The following PHLDB2 variants were observed in gnomAD, a reference collection of about 807,000 sequenced individuals.
PHLDB2 encodes the protein pleckstrin homology-like domain family B member 2.
Under a neutral mutation model 123.6 loss-of-function variants are expected in PHLDB2, and 71 were observed. That is an observed-to-expected ratio of 0.57 (90% CI 0.47 to 0.70). The LOEUF (loss-of-function observed/expected upper bound fraction) is 0.70. Ranked by LOEUF, PHLDB2 falls within the 30% of genes least tolerant of loss-of-function variation. PHLDB2 has a pLI of 0.00. For synonymous variants in PHLDB2, 547 were observed against 541.6 expected (o/e 1.01, Z -0.14); for missense variants, 1,446 against 1,519.5 (o/e 0.95, Z 0.80).
chr3:111,871,067 T>G (rs866115852), intron 1 of PHLDB2, among the ~76,000 whole-genome samples: 2 of 152,216 alleles, frequency 1.3e-5, no homozygotes, highest in Non-Finnish European at 2.9e-5. Context: ...TCCCTCTGCA[T>G]TTTCTCAACA....
intron 1 of PHLDB2, among the ~76,000 whole-genome samples, chr3:111,785,431 T>C (rs781222005): frequency 3.9e-5 from 6 of 152,180 alleles, no homozygotes. Context: ...TAGCAGTCTG[T>C]CTTATGTGAC....
At chr3:111,869,695 G>A (rs1266614986) in intron 1 of PHLDB2, among the ~76,000 whole-genome samples, 1 of 102,988 alleles carries the variant, frequency 9.7e-6, no homozygotes, top group East Asian at 3.0e-4. Context: ...GACAGCATGT[G>A]TGTCTGTCTC....
At chr3:111,810,375 G>T (rs891461533) in intron 1 of PHLDB2, among the ~76,000 whole-genome samples, 2 of 152,090 alleles carry the variant, frequency 1.3e-5, no homozygotes, top group Non-Finnish European at 2.9e-5. Flanking sequence ...AACAACAGAA[G>T]TTTATTTCTC....
chr3:111,923,897 A>C (rs1282966), intron 5 of PHLDB2, among the ~76,000 whole-genome samples: 6,590 of 152,238 alleles, frequency 0.043, 478 homozygotes, highest in African/African-American at 0.15. Flanking sequence ...CACAGCAGCC[A>C]ATGTGATTAA....
At chr3:111,740,871 T>A (rs1350474670) in intron 1 of PHLDB2, among the ~76,000 whole-genome samples, 3 of 142,084 alleles carry the variant, frequency 2.1e-5, no homozygotes, top group Non-Finnish European at 4.5e-5. Context: ...AATACAGACC[T>A]CAATGCCTCA....
chr3:111,860,021 G>T lies in PHLDB2; in HGVS notation c.-15+445G>T, dbSNP rs975231297. ...CCCCGTTGTGCATGACTCTCGGGGG[G>T]CTGGGTAGATCTCCGGTTGAGGGGA... On this transcript the variant is annotated intron_variant, in intron 1 of 17. Coordinates refer to ENST00000431670, the MANE Select transcript of PHLDB2 (RefSeq NM_001134438.2). 2.1e-4 allele frequency: 94 copies of T among 449,388 alleles called. No homozygotes were observed. The South Asian group carries it at 2.1e-3, about 10-fold the overall frequency. The allele number at this position is 449,388 out of a possible 1,614,324, so 27.8% of individuals were successfully genotyped here.
At chr3:111,849,296 G>C (rs2064146380) in intron 2 of PHLDB2, among the ~76,000 whole-genome samples, 1 of 152,048 alleles carries the variant, frequency 6.6e-6, no homozygotes, top group Admixed American at 6.6e-5. Context: ...TCAGTCTCCA[G>C]AGTAGGTAAG....
At chr3:111,836,140 A>C (rs973853170) in intron 1 of PHLDB2, among the ~76,000 whole-genome samples, 5 of 152,344 alleles carry the variant, frequency 3.3e-5, no homozygotes, top group African/African-American at 1.2e-4. Flanking sequence ...ATATGACTTA[A>C]GAACAACTTA....
chr3:111,859,850 G>C (rs1313710866), intron 1 of PHLDB2: 1 of 985,922 alleles, frequency 1.0e-6, no homozygotes, highest in Non-Finnish European at 1.2e-6. Context: ...CGCCAGCGTA[G>C]AGCGGCGGTT....
At chr3:111,757,460 A>G (rs2059913942) in intron 1 of PHLDB2, among the ~76,000 whole-genome samples, 1 of 152,112 alleles carries the variant, frequency 6.6e-6, no homozygotes, top group Non-Finnish European at 1.5e-5. Context: ...TGGTTATTCT[A>G]GTTACACATT....
rs550478039 is a variant in PHLDB2 at position 111,812,300 on chromosome 3, G to A, written c.-48-33521G>A. 7.9e-5 allele frequency among the ~76,000 whole-genome samples: 12 copies of A among 152,320 alleles called. No individual in the cohort carries two copies. In the South Asian group the frequency reaches 2.3e-3, roughly 29 times the overall value. On this transcript the variant is annotated intron_variant, in intron 1 of 17. Transcript: ENST00000393923. ...TTTAAGACAGTTTCCTTGAAGGCAG[G>A]AATGCTGTGTGTGAATTGTGACTCT...
chr3:111,826,737 T>A (rs1335547134), intron 1 of PHLDB2, among the ~76,000 whole-genome samples: 1 of 151,588 alleles, frequency 6.6e-6, no homozygotes, highest in African/African-American at 2.4e-5. Context: ...CCAGGGGAGG[T>A]GTAGTCATGT....
intron 1 of PHLDB2, among the ~76,000 whole-genome samples, chr3:111,801,360 A>G (rs1331968882): frequency 1.3e-5 from 2 of 152,172 alleles, no homozygotes; most frequent in Non-Finnish European, 2.9e-5. Context: ...AGACACAGAA[A>G]CTAAACAAGA....
intron 1 of PHLDB2, among the ~76,000 whole-genome samples, chr3:111,751,552 G>A (rs931016978): frequency 6.7e-6 from 1 of 150,326 alleles, no homozygotes; most frequent in Non-Finnish European, 1.5e-5. Flanking sequence ...AGAGACCTAT[G>A]TTCTACTCAT....
intron 1 of PHLDB2, among the ~76,000 whole-genome samples, chr3:111,733,680 ATAAAG>A (rs1467227374): frequency 6.6e-6 from 1 of 152,258 alleles, no homozygotes; most frequent in Non-Finnish European, 1.5e-5. Flanking sequence ...GAATAAAGTT[ATAAAG>A]TAATCACCAA....
chr3:111,934,824 C>T (rs537184639), intron 6 of PHLDB2, among the ~76,000 whole-genome samples: 2 of 152,226 alleles, frequency 1.3e-5, no homozygotes, highest in South Asian at 2.1e-4. Flanking sequence ...TAATCTCATC[C>T]TACCTTCTCA....
At chr3:111,867,270 C>T (rs1420275582) in intron 1 of PHLDB2, among the ~76,000 whole-genome samples, 1 of 151,944 alleles carries the variant, frequency 6.6e-6, no homozygotes, top group African/African-American at 2.4e-5. Context: ...GATATGACCC[C>T]AACCTTCTTT....
In PHLDB2 at chr3:111,750,969, C is replaced by A. The variant is rs182772823; in HGVS notation, c.-49+18266C>A. On this transcript the variant is annotated intron_variant, in intron 1 of 17. Coordinates refer to the PHLDB2 transcript ENST00000393923. ...TCTCAAAAAAAAAAAAAAAAAAATTCGCCAGTTCTTTTCTCTGCCCTATTG... is the reference window on the plus strand; with the variant it reads ...TCTCAAAAAAAAAAAAAAAAAAATTAGCCAGTTCTTTTCTCTGCCCTATTG... 2.5e-4 allele frequency among the ~76,000 whole-genome samples: 38 copies of A among 150,600 alleles called. No homozygotes were observed. In the East Asian group the frequency reaches 5.5e-3, roughly 22 times the overall value.
intron 2 of PHLDB2, among the ~76,000 whole-genome samples, chr3:111,851,364 C>T (rs1324018823): frequency 1.3e-5 from 2 of 152,078 alleles, no homozygotes; most frequent in African/African-American, 4.8e-5. Flanking sequence ...AATTTCTAGT[C>T]CATCAGTGAC....
Sources: gnomAD v4.1 joint callset for allele counts (sites outside exome capture counted in the v4.1 genomes callset) on GRCh38, gnomAD v4.1.1 for gene constraint, MANE v1.5 for transcripts, NCBI Gene and HGNC (gene_info 2026-07-23, HGNC 2026-07-21) for gene names.